Variants in XIRP2 observed in about 807,000 individuals in gnomAD.
The protein encoded by XIRP2 is xin actin binding repeat containing 2, also known as xin actin-binding repeat-containing protein 2.
In XIRP2, 236 loss-of-function variants were observed where a neutral mutation model predicts 277.0. The observed-to-expected ratio is 0.85, with a 90% CI of 0.77 to 0.95. XIRP2 has a LOEUF of 0.95. Ranked by LOEUF, XIRP2 falls within the 40% of genes least tolerant of loss-of-function variation. XIRP2 has a pLI of 0.00. For synonymous variants in XIRP2, 1,490 were observed against 1,416.5 expected, an observed-to-expected ratio of 1.05 and a Z score of -1.17; for missense variants, 4,640 against 4,157.5, an observed-to-expected ratio of 1.12 and a Z score of -3.19.
chr2:167,184,785 G>A (rs1559011545), intron 3 of XIRP2: 1 of 617,316 alleles, frequency 1.6e-6, no homozygotes, highest in Non-Finnish European at 2.9e-6. Context: ...CTAATTACTA[G>A]CATCATCCCA....
chr2:166,966,614 A>G (rs1383686917), intron 2 of XIRP2, among the ~76,000 whole-genome samples: 1 of 151,746 alleles, frequency 6.6e-6, no homozygotes, highest in Non-Finnish European at 1.5e-5. Context: ...ATTCTCCTCC[A>G]TCTTCTAGTT....
chr2:167,228,564 A>G (rs924378758), intron 5 of XIRP2, among the ~76,000 whole-genome samples: 1 of 152,144 alleles, frequency 6.6e-6, no homozygotes, highest in African/African-American at 2.4e-5. Flanking sequence ...TGCTGAAAAA[A>G]AACTAAGTAC....
At chr2:167,189,906 C>T (rs1291345764) in intron 3 of XIRP2, among the ~76,000 whole-genome samples, 2 of 152,140 alleles carry the variant, frequency 1.3e-5, no homozygotes, top group East Asian at 3.9e-4. Flanking sequence ...ATGGAGTGCC[C>T]AGGCCACCAA....
intron 2 of XIRP2, among the ~76,000 whole-genome samples, chr2:167,023,538 T>C (rs1688050160): frequency 6.6e-6 from 1 of 152,160 alleles, no homozygotes; most frequent in South Asian, 2.1e-4. Flanking sequence ...CCCATGCCTA[T>C]GTCCTGAATG....
At chr2:167,254,678 G>A (rs929251373) in intron 10 of XIRP2, among the ~76,000 whole-genome samples, 7 of 151,844 alleles carry the variant, frequency 4.6e-5, no homozygotes, top group African/African-American at 1.7e-4. Flanking sequence ...CAAGTGGTGG[G>A]TAGGTTAGAA....
intron 3 of XIRP2, among the ~76,000 whole-genome samples, chr2:167,157,877 T>C (rs1039472512): frequency 6.6e-6 from 1 of 152,142 alleles, no homozygotes; most frequent in Non-Finnish European, 1.5e-5. Flanking sequence ...CATTTTAGCT[T>C]GATAACTATC....
At chr2:166,999,025 A>C (rs1365904914) in intron 2 of XIRP2, among the ~76,000 whole-genome samples, 2 of 152,332 alleles carry the variant, frequency 1.3e-5, no homozygotes, top group South Asian at 4.1e-4. Context: ...ATTGATTTTA[A>C]AATTGTCTTT....
chr2:167,123,503 TTTTTGTTTTG>T (rs60058081), intron 2 of XIRP2, among the ~76,000 whole-genome samples: 4 of 151,462 alleles, frequency 2.6e-5, no homozygotes, highest in South Asian at 4.2e-4. Flanking sequence ...AAAAAACTTT[TTTTTGTTTTG>T]TTTTGTTTTG....
Position 167,244,465 on chromosome 2 carries a change from C to T in XIRP2, c.3073C>T (p.Pro1025Ser). 1 of 1,613,692 alleles carries T rather than the reference C, an allele frequency of 6.2e-7. No homozygotes were observed. The change falls in exon 9 of 11, where the codon CCC (proline) becomes TCC (serine). Residue 1025 changes from proline to serine, a missense_variant. Physicochemically the swap from Pro to Ser is moderately conservative, Grantham distance 74. Transcript: ENST00000409195. ...RSCRWLFETR[P>S]IDQFDESIHK... ...CTGTAGGTGGCTTTTTGAAACAAGG[C>T]CCATTGACCAGTTTGATGAAAGCAT...
rs184433891 is a variant in XIRP2, at chr2:167,244,867, G to C, written c.3475G>C (p.Gly1159Arg). 2.9e-4 allele frequency: 470 copies of C among 1,613,768 alleles called. No individual in the cohort carries two copies. Among genetic ancestry groups the C allele is most frequent in the Non-Finnish European group, 3.9e-4 (459 of 1,179,780 alleles). Residue 1159 changes from glycine to arginine, a missense_variant, in exon 9 of 11, where the codon GGT becomes CGT. Physicochemically the swap from Gly to Arg is moderately radical, Grantham distance 125. Transcript: ENST00000409195. ...AACTGTAAAACAGGAGGAGATCCAA[G>C]GTGGGGATGTTCGTACAGCATGTTT... ...LQTVKQEEIQGGDVRTACFLF... is the reference protein window; with the variant it reads ...LQTVKQEEIQRGDVRTACFLF...
chr2:167,221,693 C>G (rs1323147275), intron 5 of XIRP2, among the ~76,000 whole-genome samples: 1 of 152,118 alleles, frequency 6.6e-6, no homozygotes, highest in African/African-American at 2.4e-5. Context: ...CTGGTAAACA[C>G]AGGTAGTTTA....
At chr2:166,938,945 G>A (rs549716232) in intron 2 of XIRP2, among the ~76,000 whole-genome samples, 2 of 152,070 alleles carry the variant, frequency 1.3e-5, no homozygotes, top group Non-Finnish European at 2.9e-5. Flanking sequence ...CATTTGCTTG[G>A]TAGATCTTCC....
intron 2 of XIRP2, among the ~76,000 whole-genome samples, chr2:166,974,199 G>A (rs151111177): frequency 0.015 from 2,216 of 152,226 alleles, 26 homozygotes; most frequent in Middle Eastern, 0.061. Context: ...TTGGAAAGAG[G>A]CAAAGAGCTT....
At position 167,248,393 on chromosome 2, in the gene XIRP2, T is replaced by C; in HGVS notation, c.7001T>C (p.Ile2334Thr). The change falls in exon 9 of 11, where the codon ATA becomes ACA. Residue 2334 changes from isoleucine to threonine, a missense_variant. Physicochemically the swap from Ile to Thr is moderately conservative, Grantham distance 89. Coordinates refer to ENST00000409195, the MANE Select transcript of XIRP2 (RefSeq NM_152381.6). ...CTTCCCTCACTGTCCACAGAGAAGA[T>C]AAAGGCTGAATTTGAAAGTTTTCCA... ...GFLPSLSTEK[I>T]KAEFESFPGL... is the part of the protein sequence containing the mutation. 3 of 1,613,648 alleles carry C rather than the reference T, an allele frequency of 1.9e-6. No individual in the cohort carries two copies. The highest frequency in any genetic ancestry group is 2.5e-6 in the Non-Finnish European group (3 of 1,179,818).
intron 2 of XIRP2, among the ~76,000 whole-genome samples, chr2:167,084,778 G>T (rs1445683670): frequency 6.7e-6 from 1 of 149,154 alleles, no homozygotes; most frequent in Admixed American, 6.7e-5. Flanking sequence ...CTGTGGGATC[G>T]GTGGTGATAT....
chr2:167,257,652 C>T (rs1044899700), intron 10 of XIRP2, among the ~76,000 whole-genome samples: 6 of 152,076 alleles, frequency 3.9e-5, no homozygotes, highest in East Asian at 1.9e-4. Context: ...TGACACACAT[C>T]ATAAAATTCT....
chr2:166,908,385 A>G (rs1374011703), intron 2 of XIRP2, among the ~76,000 whole-genome samples: 1 of 152,040 alleles, frequency 6.6e-6, no homozygotes, highest in African/African-American at 2.4e-5. Context: ...GCATTTTTTC[A>G]TGTGTGTGTT....
chr2:167,222,394 G>T (rs1472483258), intron 5 of XIRP2, among the ~76,000 whole-genome samples: 1 of 152,164 alleles, frequency 6.6e-6, no homozygotes, highest in Non-Finnish European at 1.5e-5. Flanking sequence ...CAAAGAATAG[G>T]TTGGGGAACC....
intron 2 of XIRP2, among the ~76,000 whole-genome samples, chr2:166,954,550 C>A: frequency 6.6e-6 from 1 of 151,856 alleles, no homozygotes; most frequent in Non-Finnish European, 1.5e-5. Flanking sequence ...CCATTGGACC[C>A]AGCAATCCCA....
Sources: allele counts gnomAD v4.1 joint callset (sites outside exome capture counted in the v4.1 genomes callset), GRCh38; gene constraint gnomAD v4.1.1; transcripts MANE v1.5; gene names NCBI Gene and HGNC (gene_info 2026-07-23, HGNC 2026-07-21).